The following ACSM3 variants were observed in gnomAD, a reference collection of about 807,000 sequenced individuals.
ACSM3 encodes the protein acyl-CoA synthetase medium chain family member 3.
ACSM3 carries 61 observed loss-of-function variants against 74.1 expected under a neutral mutation model. The observed-to-expected ratio is 0.82, with a 90% CI of 0.67 to 1.02. ACSM3 has a LOEUF of 1.02. ACSM3 is among the 50% of genes least tolerant of loss of function. ACSM3 has a pLI of 0.00. For synonymous variants in ACSM3, 213 were observed against 241.5 expected (o/e 0.88, Z 1.09); for missense variants, 660 against 697.0 (o/e 0.95, Z 0.60).
chr16:20,692,273 C>T (rs2079661133), intron 1 of ACSM3, among the ~76,000 whole-genome samples: 1 of 152,116 alleles, frequency 6.6e-6, no homozygotes, highest in Non-Finnish European at 1.5e-5. Context: ...GGTTGGGGTA[C>T]GGCTTGGTTT....
At chr16:20,729,526 C>A in intron 1 of ACSM3, 1 of 579,826 alleles carries the variant, frequency 1.7e-6, no homozygotes, top group Non-Finnish European at 3.2e-6. Flanking sequence ...CAGCTGTTGT[C>A]AGTAGTCCAT....
In ACSM3 at chr16:20,792,135, T is replaced by C; in HGVS notation, c.1454+6T>C. 1 of 1,614,138 alleles carries C rather than the reference T, an allele frequency of 6.2e-7. No individual in the cohort carries two copies. The highest frequency in any genetic ancestry group is 8.5e-7 in the Non-Finnish European group (1 of 1,179,990). On this transcript the variant is annotated splice_donor_region_variant and intron_variant, in intron 11 of 13. Coordinates refer to ENST00000289416, the MANE Select transcript of ACSM3 (RefSeq NM_005622.4). Reference sequence around the variant, plus strand: ...GATGTCATATTATCCTCTGGGTAACTTTCTTTTCCATATGTGCATATGTCT... The same window carrying C: ...GATGTCATATTATCCTCTGGGTAACCTTCTTTTCCATATGTGCATATGTCT...
intron 1 of ACSM3, chr16:20,685,101 G>A: frequency 7.2e-7 from 1 of 1,380,518 alleles, no homozygotes. Context: ...AGCTGTGTCA[G>A]TGCCAGGCTG....
At chr16:20,725,868 G>A (rs975397302) in intron 1 of ACSM3, among the ~76,000 whole-genome samples, 102 of 152,272 alleles carry the variant, frequency 6.7e-4, no homozygotes, top group African/African-American at 2.3e-3. Context: ...AGCCTCTTTG[G>A]AGGCTGAGGC....
rs570811111 is a variant in ACSM3 at position 20,714,971 on chromosome 16, TAGAC to T, written c.-189-34931_-189-34928del. Among the ~76,000 whole-genome samples the T allele has an allele frequency of 7.9e-4, 119 of 150,316 alleles. 1 individual carries two copies. Among genetic ancestry groups the T allele is most frequent in the Non-Finnish European group, 1.5e-3 (103 of 67,436 alleles). ...AGATTGTGATGTCTTTTCTTTTAGA[TAGAC>T]AGACAGATGGATAGACGAAAGATAG... On this transcript the variant is annotated intron_variant, in intron 1 of 3. Transcript: ENST00000561584.
intron 1 of ACSM3, among the ~76,000 whole-genome samples, chr16:20,690,324 T>A (rs2079631196): frequency 6.6e-6 from 1 of 152,190 alleles, no homozygotes; most frequent in Admixed American, 6.5e-5. Flanking sequence ...TCTACCTGAC[T>A]CCTAATGTCA....
intron 1 of ACSM3, among the ~76,000 whole-genome samples, chr16:20,688,656 G>C (rs1344414093): frequency 6.6e-6 from 1 of 151,936 alleles, no homozygotes; most frequent in Non-Finnish European, 1.5e-5. Context: ...AGCCAACCAA[G>C]AATTTTACAT....
intron 13 of ACSM3, 173 bp from the exon 14 acceptor site, chr16:20,796,713 T>G: frequency 2.0e-6 from 3 of 1,485,518 alleles, no homozygotes; most frequent in Non-Finnish European, 8.9e-7. Flanking sequence ...ATACTTAATA[T>G]CAAGACAACT....
intron 1 of ACSM3, among the ~76,000 whole-genome samples, chr16:20,699,124 A>ACT (rs1270568016): frequency 6.6e-6 from 1 of 152,324 alleles, no homozygotes; most frequent in Admixed American, 6.5e-5. Flanking sequence ...CATTTGTAAA[A>ACT]TGAAGCAGGA....
At chr16:20,674,725 T>C (rs1490119295) in exon 1 of ACSM3, 1 of 151,954 alleles carries the variant, frequency 6.6e-6, no homozygotes, top group Non-Finnish European at 1.5e-5. Flanking sequence ...TGGGGGAGTT[T>C]CACCCGGATG....
chr16:20,738,869 C>T (rs781673665), intron 1 of ACSM3: 3 of 1,609,512 alleles, frequency 1.9e-6, no homozygotes, highest in East Asian at 2.2e-5. Flanking sequence ...GTTATGAGAT[C>T]GATAATCTTA....
intron 6 of ACSM3, among the ~76,000 whole-genome samples, 188 bp downstream of exon 6, chr16:20,781,318 C>G (rs2080348350): frequency 6.6e-6 from 1 of 152,136 alleles, no homozygotes. Flanking sequence ...TCTGCAGCCT[C>G]TGATTCTGCC....
intron 3 of ACSM3, among the ~76,000 whole-genome samples, chr16:20,758,431 T>G (rs1023019379): frequency 5.9e-5 from 9 of 152,158 alleles, no homozygotes; most frequent in Non-Finnish European, 1.3e-4. Flanking sequence ...TAGAGGTGTT[T>G]GTAGTATTCT....
chr16:20,769,076 G>C (rs2080160779), intron 1 of ACSM3, among the ~76,000 whole-genome samples: 2 of 152,218 alleles, frequency 1.3e-5, no homozygotes, highest in Admixed American at 1.3e-4. Flanking sequence ...ATACAGAAAT[G>C]CTTCCACATA....
intron 13 of ACSM3, 68 bp downstream of exon 13, chr16:20,796,557 T>C: frequency 6.3e-7 from 1 of 1,590,776 alleles, no homozygotes; most frequent in Admixed American, 1.8e-5. Flanking sequence ...TATTTTTACA[T>C]TTTAATGAAT....
intron 1 of ACSM3, among the ~76,000 whole-genome samples, chr16:20,748,727 G>A (rs1003038224): frequency 6.6e-6 from 1 of 152,106 alleles, no homozygotes; most frequent in Non-Finnish European, 1.5e-5. Context: ...CAGTACCCCA[G>A]AGATAACCTA....
chr16:20,709,993 C>G (rs1410925861), intron 1 of ACSM3, among the ~76,000 whole-genome samples: 3 of 152,210 alleles, frequency 2.0e-5, no homozygotes, highest in African/African-American at 7.2e-5. Context: ...TAGTGGTTAT[C>G]TGTAATACTA....
At chr16:20,691,253 G>A in intron 1 of ACSM3, 1 of 1,357,662 alleles carries the variant, frequency 7.4e-7, no homozygotes, top group Non-Finnish European at 9.9e-7. Context: ...GGGAAGAGAT[G>A]GCTAATAGAT....
chr16:20,745,423 A>C (rs2079953521), intron 1 of ACSM3, among the ~76,000 whole-genome samples: 1 of 152,106 alleles, frequency 6.6e-6, no homozygotes, highest in South Asian at 2.1e-4. Context: ...TCTCTACTAA[A>C]AATAAAAAAA....
Sources: gnomAD v4.1 joint callset for allele counts (sites outside exome capture counted in the v4.1 genomes callset) on GRCh38, gnomAD v4.1.1 for gene constraint, MANE v1.5 for transcripts, NCBI Gene and HGNC (gene_info 2026-07-23, HGNC 2026-07-21) for gene names.